NCOR2: variants seen among roughly 807,000 people sequenced by gnomAD.
NCOR2 encodes the protein CTG repeat protein 26.
In NCOR2, 81 loss-of-function variants were observed where a neutral mutation model predicts 262.9. The observed-to-expected ratio is 0.31, with a 90% confidence interval of 0.26 to 0.37. NCOR2 has a LOEUF of 0.37. Ranked by LOEUF, NCOR2 falls within the 10% of genes least tolerant of loss-of-function variation. The pLI, the probability that NCOR2 is intolerant of heterozygous loss-of-function variation, is 1.00. For missense variants in NCOR2, 3,385 were observed against 3,621.4 expected (o/e 0.93, Z 1.68); for synonymous variants, 1,659 against 1,559.3 (o/e 1.06, Z -1.51).
At chr12:124,326,442 A>AG in intron 45 of NCOR2, 72 bp from the exon 48 acceptor site, 1 of 1,366,786 alleles carries the variant, frequency 7.3e-7, no homozygotes, top group Non-Finnish European at 9.5e-7. Context: ...GTGGGGCCAC[A>AG]GGGGCAGGGT....
At chr12:124,447,035 C>T (rs565660214) in intron 7 of NCOR2, among the ~76,000 whole-genome samples, 3 of 152,242 alleles carry the variant, frequency 2.0e-5, no homozygotes, top group Non-Finnish European at 4.4e-5. Flanking sequence ...CTGCCTCAAC[C>T]TCCTGAGTAG....
chr12:124,376,343 C>T (rs376215228), intron 18 of NCOR2, among the ~76,000 whole-genome samples: 12 of 152,210 alleles, frequency 7.9e-5, no homozygotes, highest in African/African-American at 2.2e-4. Context: ...GCGTCTGCTC[C>T]GGTTTTAATG....
chr12:124,378,495 T>G lies in NCOR2; in HGVS notation c.2020-111A>C. The G allele has an allele frequency of 8.7e-7, 1 of 1,146,388 alleles. No homozygotes were observed. Among genetic ancestry groups the G allele is most frequent in the Non-Finnish European group, 1.2e-6 (1 of 830,766 alleles). 71.0% of individuals were successfully genotyped at this position (1,146,388 alleles called of 1,614,324 possible). On this transcript the variant is annotated intron_variant, in intron 17 of 46. Transcript: ENST00000405201. The surrounding 1 kb of genome is among the most constrained non-coding windows in gnomAD (Gnocchi z 4.2). Reference sequence around the variant, plus strand: ...GCAAAGGGCAGTGATCCCGGCCATGTAGCAATGAGGGTGACCGTCCCCCTC... The same window carrying G: ...GCAAAGGGCAGTGATCCCGGCCATGGAGCAATGAGGGTGACCGTCCCCCTC...
At chr12:124,496,820 G>A (rs1039930279), upstream of NCOR2, among the ~76,000 whole-genome samples, 3 of 152,156 alleles carry the variant, frequency 2.0e-5, no homozygotes, top group African/African-American at 7.2e-5. The surrounding 1 kb of genome is among the most constrained non-coding windows in gnomAD (Gnocchi z 4.4). Context: ...CTGTCTCAAG[G>A]ATGAGCCTGT....
chr12:124,524,675 C>G (rs2137111727), intron 1 of NCOR2, among the ~76,000 whole-genome samples: 1 of 152,344 alleles, frequency 6.6e-6, no homozygotes, highest in East Asian at 1.9e-4. Context: ...TCGAGTGTGT[C>G]TCTGCCACAA....
At chr12:124,426,733 C>T (rs1401404455) in exon 11 of NCOR2, 4 of 1,610,370 alleles carry the variant, frequency 2.5e-6, no homozygotes, top group South Asian at 1.1e-5. Flanking sequence ...GAACTTGATG[C>T]GCTGCTGGTC....
rs575870634 is a variant in NCOR2, at chr12:124,457,457, C to T, written c.706-295G>A. On this transcript the variant is annotated intron_variant, in intron 5 of 46. Coordinates refer to ENST00000405201, the Ensembl canonical transcript of NCOR2. This position sits in a 1 kb window ranked among gnomAD's most constrained non-coding sequence, Gnocchi z 4.0. The stretch of plus-strand genomic sequence containing the variant: ...GGCAGGCGCGCAGGCCTCGCTCCCC[C>T]AGGGCCCAGCGACGTGGGCACCGCT... Among the ~76,000 whole-genome samples the T allele has an allele frequency of 4.3e-4, 66 of 152,158 alleles. No homozygotes were observed. The highest frequency in any genetic ancestry group is 7.1e-4 in the Non-Finnish European group (48 of 68,022).
At position 124,374,465 on chromosome 12, in the gene NCOR2, T is replaced by A; in HGVS notation, c.2168-2A>T. The A allele has an allele frequency of 1.2e-6, 2 of 1,612,200 alleles. No homozygotes were observed. The highest frequency in any genetic ancestry group is 1.3e-5 in the African/African-American group (1 of 75,010). ...CCTCATTCCCAGAGGCATGTAAGGC[T>A]GGAAGGAAGTCAGAGAAGAGTTAGA... is the stretch of plus-strand genomic sequence containing the variant. On this transcript the variant is annotated splice_acceptor_variant, in intron 18 of 46. Transcript: ENST00000405201. LOFTEE classifies it high-confidence loss of function.
rs1401759188 is a variant in NCOR2, at chr12:124,368,542, G to A, written c.2807+3480C>T. On this transcript the variant is annotated intron_variant, in intron 20 of 46. Coordinates refer to ENST00000405201, the Ensembl canonical transcript of NCOR2. ...GCCTGCCCACCTCTCTGACCTCTCC[G>A]CCCTCTCTGCCCTGGGCTGCTCACT... Among the ~76,000 whole-genome samples the A allele has an allele frequency of 2.6e-5, 4 of 152,140 alleles. No individual in the cohort carries two copies. The South Asian group carries it at 6.2e-4, about 24-fold the overall frequency.
chr12:124,439,294 CAGAG>C (rs147761367), intron 7 of NCOR2, among the ~76,000 whole-genome samples: 1 of 8,350 alleles, frequency 1.2e-4, no homozygotes, highest in Non-Finnish European at 3.3e-4. Flanking sequence ...GAGAGAGACC[CAGAG>C]AGAGAGAGAC....
rs375846724 is a variant in NCOR2 at position 124,337,158 on chromosome 12, C to T, written c.5710G>A (p.Val1904Ile). The change falls in exon 38 of 47, where the codon GTT becomes ATT. Residue 1904 changes from valine (V) to isoleucine (I), a missense_variant. Val to Ile is a conservative substitution (Grantham distance 29). Around this residue, in one of 5 missense-constraint regions of NCOR2, gnomAD observed 1,017 missense variants for 967.2 expected, o/e 1.05. Transcript: ENST00000405201. ...GGTGGGAATGTGGCAGCCGGGCGAACGGGTGAGGAGGTGGAGGTGGACCTG... is the reference window on the plus strand; with the variant it reads ...GGTGGGAATGTGGCAGCCGGGCGAATGGGTGAGGAGGTGGAGGTGGACCTG... The T allele has an allele frequency of 3.0e-5, 46 of 1,528,480 alleles. No homozygotes were observed. The highest frequency in any genetic ancestry group is 1.2e-4 in the African/African-American group (9 of 72,936). 94.7% of individuals were successfully genotyped at this position (1,528,480 alleles called of 1,614,324 possible). A position where few individuals can be genotyped will look rare whatever the true frequency, so the allele number is the denominator to read the frequency against.
At position 124,495,106 on chromosome 12, in the gene NCOR2, C is replaced by A. The variant is rs2048315252; in HGVS notation, c.105+41G>T. ...AGACTCAGTGGAATGGAAGAAGGGT[C>A]TCAAAGGTAGCCCCAGGCGCACACA... On this transcript the variant is annotated intron_variant, in intron 1 of 46. Coordinates refer to ENST00000405201, the Ensembl canonical transcript of NCOR2. The surrounding 1 kb of genome is among the most constrained non-coding windows in gnomAD (Gnocchi z 4.4). 6.2e-7 allele frequency: 1 copy of A among 1,605,920 alleles called. No homozygotes were observed. The highest frequency in any genetic ancestry group is 1.7e-5 in the Admixed American group (1 of 58,784).
intron 20 of NCOR2, among the ~76,000 whole-genome samples, chr12:124,369,475 C>T (rs981668515): frequency 1.3e-5 from 2 of 151,906 alleles, no homozygotes; most frequent in African/African-American, 2.4e-5. Flanking sequence ...CTGGGGGGCC[C>T]GCCCGTCCCA....
intron 43 of NCOR2, 30 bp downstream of exon 45, chr12:124,332,289 T>C: frequency 1.2e-6 from 2 of 1,612,554 alleles, no homozygotes; most frequent in Non-Finnish European, 1.7e-6. Context: ...TGTGGCCCCA[T>C]GCTTCCCCGG....
At chr12:124,381,796 C>A (rs59592829) in intron 17 of NCOR2, among the ~76,000 whole-genome samples, 2 of 152,142 alleles carry the variant, frequency 1.3e-5, no homozygotes, top group Admixed American at 1.3e-4. Context: ...GACTGAGGAA[C>A]GTGGAAGCCG....
intron 1 of NCOR2, among the ~76,000 whole-genome samples, chr12:124,521,746 G>A (rs2050203211): frequency 1.3e-5 from 2 of 152,162 alleles, no homozygotes; most frequent in East Asian, 1.9e-4. Flanking sequence ...TAAATTATAT[G>A]TGATGTGAAT....
intron 1 of NCOR2, among the ~76,000 whole-genome samples, chr12:124,489,709 C>T (rs2047975646): frequency 6.6e-6 from 1 of 152,206 alleles, no homozygotes; most frequent in Non-Finnish European, 1.5e-5. Context: ...CTTAAAACTC[C>T]TGGGAAAGGT....
At chr12:124,346,472 G>A (rs2272371) in intron 31 of NCOR2, 92 bp downstream of exon 33, 6 of 1,318,892 alleles carry the variant, frequency 4.5e-6, no homozygotes, top group Non-Finnish European at 4.9e-6. Flanking sequence ...TCTCAGCCTC[G>A]GTTTCCCCAT....
intron 10 of NCOR2, among the ~76,000 whole-genome samples, chr12:124,427,298 G>A (rs921851016): frequency 6.6e-5 from 10 of 151,988 alleles, no homozygotes; most frequent in African/African-American, 2.2e-4. Flanking sequence ...CACACTACAC[G>A]CCCCCTCCCG....
Sources: gnomAD v4.1 joint callset for allele counts (sites outside exome capture counted in the v4.1 genomes callset) on GRCh38, gnomAD v4.1.1 for gene constraint, gnomAD v4.1.1 regional missense constraint, Gnocchi (gnomAD v3.1) non-coding constraint, MANE v1.5 for transcripts, NCBI Gene and HGNC (gene_info 2026-07-23, HGNC 2026-07-21) for gene names.